The following PRMT8 variants were observed in gnomAD, a reference collection of about 807,000 sequenced individuals.
PRMT8 encodes the protein protein arginine N-methyltransferase 8.
In PRMT8, 7 loss-of-function variants were observed where a neutral mutation model predicts 47.1. The observed-to-expected ratio is 0.15, with a 90% CI of 0.08 to 0.28. The LOEUF is 0.28. PRMT8 is among the 10% of genes least tolerant of loss of function. The probability of loss-of-function intolerance (pLI) is 1.00; values close to 1 mark genes in which losing one functional copy is unlikely to be tolerated. For missense variants in PRMT8, 237 were observed against 505.4 expected, an observed-to-expected ratio of 0.47 and a Z score of 5.09; for synonymous variants, 188 against 186.5, an observed-to-expected ratio of 1.01 and a Z score of -0.07.
In PRMT8 at chr12:3,589,677, C is replaced by G. The variant is rs12307165; in HGVS notation, c.980-2554C>G. Among the ~76,000 whole-genome samples the G allele has an allele frequency of 7.6e-3, 1,156 of 152,318 alleles. 18 individuals carry two copies. The highest frequency in any genetic ancestry group is 0.025 in the African/African-American group (1,059 of 41,574). ...ATTACTCCATGGCTAATGGGCCCAT[C>G]ATGGAAACGAGATGTTTATGGATGT... is the stretch of plus-strand genomic sequence containing the variant. On this transcript the variant is annotated intron_variant, in intron 8 of 9. Coordinates refer to ENST00000382622, the MANE Select transcript of PRMT8 (RefSeq NM_019854.5).
intron 1 of PRMT8, among the ~76,000 whole-genome samples, chr12:3,534,064 C>T (rs530830809): frequency 2.0e-5 from 3 of 152,344 alleles, no homozygotes; most frequent in Admixed American, 6.5e-5. Context: ...AAGGTGAAGG[C>T]GGTGGGCAAA....
chr12:3,384,957 G>C (rs12322182), intron 1 of PRMT8, among the ~76,000 whole-genome samples: 2 of 133,670 alleles, frequency 1.5e-5, no homozygotes, highest in Admixed American at 8.0e-5. Context: ...TGTGGCGGGT[G>C]GGGGGCGGGG....
Position 3,491,421 on chromosome 12 carries a change from G to A in PRMT8, c.-205G>A. ...ACTTGAAACCGTGTGAAGGAATCCG[G>A]AGCAGATGAGAAGGGAGGAAAATAA... On this transcript the variant is annotated 5_prime_UTR_variant, in exon 1 of 10. Coordinates refer to ENST00000382622, the MANE Select transcript of PRMT8 (RefSeq NM_019854.5). The A allele has an allele frequency of 7.4e-7, 1 of 1,351,382 alleles. No individual in the cohort carries two copies. The highest frequency in any genetic ancestry group is 9.5e-7 in the Non-Finnish European group (1 of 1,051,922). The allele number at this position is 1,351,382 out of a possible 1,614,324, so 83.7% of individuals were successfully genotyped here. A position where few individuals can be genotyped will look rare whatever the true frequency, so the allele number is the denominator to read the frequency against.
chr12:3,392,604 T>C (rs1371929343), intron 1 of PRMT8, among the ~76,000 whole-genome samples: 1 of 151,436 alleles, frequency 6.6e-6, no homozygotes, highest in African/African-American at 2.4e-5. Flanking sequence ...CTTAATCCAG[T>C]CTATCATTGT....
chr12:3,468,093 G>T (rs552294549), intron 1 of PRMT8, among the ~76,000 whole-genome samples: 4 of 152,238 alleles, frequency 2.6e-5, no homozygotes, highest in Non-Finnish European at 2.9e-5. Flanking sequence ...CACAAAGGAA[G>T]AATGTCCAGC....
At position 3,535,433 on chromosome 12, in the gene PRMT8, T is replaced by C. The variant is rs11062710; in HGVS notation, c.76-5173T>C. On this transcript the variant is annotated intron_variant, in intron 1 of 9. Coordinates refer to ENST00000382622, the MANE Select transcript of PRMT8 (RefSeq NM_019854.5). The surrounding 1 kb of genome is among the most constrained non-coding windows in gnomAD (Gnocchi z 4.7). The stretch of plus-strand genomic sequence containing the variant: ...GTGAGTCGAAGGCAAATCACAAGTA[T>C]TGACAGTGGAGGGTGATTCTCACCA... 6.6e-6 allele frequency among the ~76,000 whole-genome samples: 1 copy of C among 152,042 alleles called. No individual in the cohort carries two copies. Among genetic ancestry groups the C allele is most frequent in the Admixed American group, 6.5e-5 (1 of 15,280 alleles).
Position 3,553,725 on chromosome 12 carries a change from CCTCTGA to C in PRMT8, c.481+12_481+17del. The C allele has an allele frequency of 6.4e-7, 1 of 1,570,086 alleles. No individual in the cohort carries two copies. Among genetic ancestry groups the C allele is most frequent in the African/African-American group, 1.4e-5 (1 of 73,976 alleles). ...ACCACTTGGACAACAGTAAGACATA[CCTCTGA>C]GTGTTTTCTCCTGGATGGAGGGGAC... On this transcript the variant is annotated intron_variant, in intron 4 of 9. Transcript: ENST00000382622.
In PRMT8 at chr12:3,583,362, C is replaced by T. The variant is rs902242835; in HGVS notation, c.979+154C>T. ...CCTCTCCAGCCATGGAGGAACCATG[C>T]ATCCCTATATTTGTGCTGTCCAAGG... is the stretch of plus-strand genomic sequence containing the variant. On this transcript the variant is annotated intron_variant, in intron 8 of 9. Coordinates refer to ENST00000382622, the MANE Select transcript of PRMT8 (RefSeq NM_019854.5). The surrounding 1 kb of genome is among the most constrained non-coding windows in gnomAD (Gnocchi z 4.7). 2.0e-5 allele frequency among the ~76,000 whole-genome samples: 3 copies of T among 152,130 alleles called. No homozygotes were observed. The highest frequency in any genetic ancestry group is 7.2e-5 in the African/African-American group (3 of 41,420).
At chr12:3,506,304 A>G (rs902042687) in intron 1 of PRMT8, among the ~76,000 whole-genome samples, 1 of 152,210 alleles carries the variant, frequency 6.6e-6, no homozygotes, top group African/African-American at 2.4e-5. Context: ...GATTAGCTTT[A>G]TTAGTAATCT....
At chr12:3,533,711 G>A (rs1408608910) in intron 1 of PRMT8, among the ~76,000 whole-genome samples, 1 of 152,258 alleles carries the variant, frequency 6.6e-6, no homozygotes, top group African/African-American at 2.4e-5. Flanking sequence ...AGAGTAGAGA[G>A]AGGGTGCATG....
intron 2 of PRMT8, among the ~76,000 whole-genome samples, chr12:3,541,848 G>C (rs765555041): frequency 1.5e-4 from 23 of 152,178 alleles, no homozygotes; most frequent in Non-Finnish European, 2.2e-4. Flanking sequence ...ATCCTGCAAG[G>C]TTGGTGTTAT....
chr12:3,413,010 T>C (rs897762448), intron 1 of PRMT8, among the ~76,000 whole-genome samples: 9 of 152,220 alleles, frequency 5.9e-5, no homozygotes, highest in African/African-American at 2.2e-4. Context: ...TTTTACATTT[T>C]TGAGTTCTAA....
intron 1 of PRMT8, among the ~76,000 whole-genome samples, chr12:3,520,238 G>C (rs1274226890): frequency 6.6e-6 from 1 of 152,224 alleles, no homozygotes; most frequent in African/African-American, 2.4e-5. Flanking sequence ...GGCCTGTCGG[G>C]AAAACCAACG....
rs535265306 is a variant in PRMT8, at chr12:3,567,562, A to G, written c.482-1144A>G. ...GAGAAGAGTTTTAGAGTCATGTCAT[A>G]TCAGATCTGGGCTCTGTTTCCACTG... On this transcript the variant is annotated intron_variant, in intron 4 of 9. Coordinates refer to ENST00000382622, the MANE Select transcript of PRMT8 (RefSeq NM_019854.5). Among the ~76,000 whole-genome samples, 10 of 152,304 alleles carry G rather than the reference A, an allele frequency of 6.6e-5. No homozygotes were observed. In the South Asian group the frequency reaches 1.2e-3, roughly 19 times the overall value.
intron 1 of PRMT8, among the ~76,000 whole-genome samples, chr12:3,385,685 T>C (rs1486771934): frequency 6.6e-6 from 1 of 152,256 alleles, no homozygotes; most frequent in African/African-American, 2.4e-5. Flanking sequence ...GTTGTCTCAC[T>C]CAAGTACTGT....
chr12:3,403,302 A>AC (rs1864337021), intron 1 of PRMT8, among the ~76,000 whole-genome samples: 1 of 152,028 alleles, frequency 6.6e-6, no homozygotes, highest in Non-Finnish European at 1.5e-5. Context: ...AACAACACAC[A>AC]CTGAGGCCTA....
intron 1 of PRMT8, among the ~76,000 whole-genome samples, chr12:3,457,746 T>C (rs775762978): frequency 1.3e-5 from 2 of 151,810 alleles, no homozygotes; most frequent in Non-Finnish European, 2.9e-5. Context: ...CGAAGAATAA[T>C]GTAGGAAACC....
At chr12:3,532,948 G>A (rs1046987251) in intron 1 of PRMT8, among the ~76,000 whole-genome samples, 3 of 152,146 alleles carry the variant, frequency 2.0e-5, no homozygotes, top group African/African-American at 4.8e-5. Flanking sequence ...GAGGGTCCTG[G>A]GAGGCCTCCC....
intron 1 of PRMT8, among the ~76,000 whole-genome samples, chr12:3,470,069 A>G (rs1865143516): frequency 6.6e-6 from 1 of 152,208 alleles, no homozygotes. Context: ...TATTTTCAAA[A>G]CGCTCAATTA....
Sources: gnomAD v4.1 joint callset for allele counts (sites outside exome capture counted in the v4.1 genomes callset) on GRCh38, gnomAD v4.1.1 for gene constraint, Gnocchi (gnomAD v3.1) non-coding constraint, MANE v1.5 for transcripts, NCBI Gene and HGNC (gene_info 2026-07-23, HGNC 2026-07-21) for gene names.